RBFOX1: variants seen among roughly 807,000 people sequenced by gnomAD.
RBFOX1 encodes the protein RNA binding fox-1 homolog 1.
RBFOX1 carries 8 observed loss-of-function variants against 57.7 expected under a neutral mutation model. The ratio of observed to expected loss-of-function variants is 0.14; its 90% CI spans 0.08 to 0.25. RBFOX1 has a LOEUF of 0.25. RBFOX1 is among the 10% of genes least tolerant of loss of function. RBFOX1 has a pLI of 1.00. For synonymous variants in RBFOX1, 326 were observed against 222.4 expected (o/e 1.47, Z -4.15); for missense variants, 611 against 548.5 (o/e 1.11, Z -1.14).
chr16:6,320,127 G>C (rs1054596565), intron 2 of RBFOX1, among the ~76,000 whole-genome samples: 1 of 152,152 alleles, frequency 6.6e-6, no homozygotes, highest in African/African-American at 2.4e-5. Flanking sequence ...CAGATAAGAA[G>C]AAGGTGGAGA....
At chr16:7,164,279 T>A (rs998040014) in intron 4 of RBFOX1, among the ~76,000 whole-genome samples, 4 of 152,224 alleles carry the variant, frequency 2.6e-5, no homozygotes, top group African/African-American at 9.6e-5. Flanking sequence ...TCCAGGTTGC[T>A]GCAAATGCCA....
At chr16:5,992,458 C>T (rs1324259699) in intron 4 of RBFOX1, among the ~76,000 whole-genome samples, 1 of 152,120 alleles carries the variant, frequency 6.6e-6, no homozygotes. Context: ...GACTGAATTC[C>T]TTTTGACAGG....
intron 1 of RBFOX1, among the ~76,000 whole-genome samples, chr16:5,276,706 C>G (rs1219334326): frequency 1.3e-5 from 2 of 152,138 alleles, no homozygotes; most frequent in Non-Finnish European, 2.9e-5. Flanking sequence ...TTGCTTGAAC[C>G]CAGGATGCAA....
At chr16:7,248,139 G>T (rs1013427600) in intron 4 of RBFOX1, among the ~76,000 whole-genome samples, 2 of 152,224 alleles carry the variant, frequency 1.3e-5, no homozygotes, top group African/African-American at 4.8e-5. Flanking sequence ...TTCAGAGGGA[G>T]ATGGCTCTCA....
chr16:6,165,359 G>C (rs938060451), intron 1 of RBFOX1, among the ~76,000 whole-genome samples: 2 of 152,102 alleles, frequency 1.3e-5, no homozygotes, highest in African/African-American at 4.8e-5. Flanking sequence ...CAACCGTAAA[G>C]AAACAATCGT....
chr16:5,765,685 C>T (rs371739184), intron 3 of RBFOX1, among the ~76,000 whole-genome samples: 3 of 152,180 alleles, frequency 2.0e-5, no homozygotes, highest in East Asian at 1.9e-4. Flanking sequence ...GGTATGGACT[C>T]GCCCCAAGGG....
intron 2 of RBFOX1, among the ~76,000 whole-genome samples, chr16:6,526,968 C>T (rs895520081): frequency 1.9e-4 from 29 of 151,790 alleles, no homozygotes; most frequent in Non-Finnish European, 4.1e-4. Context: ...GATCACATGC[C>T]TGTGCATTCA....
chr16:7,411,002 G>C (rs2098419245), intron 4 of RBFOX1, among the ~76,000 whole-genome samples: 1 of 152,144 alleles, frequency 6.6e-6, no homozygotes, highest in Non-Finnish European at 1.5e-5. Flanking sequence ...TTGGAGTACA[G>C]TGGTGTGATC....
intron 1 of RBFOX1, among the ~76,000 whole-genome samples, chr16:5,252,194 A>G (rs912937341): frequency 6.6e-6 from 1 of 152,176 alleles, no homozygotes; most frequent in African/African-American, 2.4e-5. Flanking sequence ...TGACTCTCTA[A>G]GGCATATGGG....
chr16:7,704,543 CTT>C (rs1007065885), intron 14 of RBFOX1, among the ~76,000 whole-genome samples: 2 of 152,128 alleles, frequency 1.3e-5, no homozygotes, highest in African/African-American at 4.8e-5. Flanking sequence ...CCATTTCTCT[CTT>C]TACTCCTTTG....
At chr16:6,568,177 T>G (rs1426772535) in intron 2 of RBFOX1, among the ~76,000 whole-genome samples, 1 of 152,322 alleles carries the variant, frequency 6.6e-6, no homozygotes, top group African/African-American at 2.4e-5. Flanking sequence ...CAAAAGTTTC[T>G]TTTTCATCTC....
intron 2 of RBFOX1, among the ~76,000 whole-genome samples, chr16:5,485,716 C>A (rs907076786): frequency 3.9e-5 from 6 of 152,092 alleles, no homozygotes; most frequent in Admixed American, 1.3e-4. Flanking sequence ...ATTCTGTTAC[C>A]CTTGGTCTAT....
intron 3 of RBFOX1, among the ~76,000 whole-genome samples, chr16:7,001,601 C>T (rs1238408141): frequency 6.6e-6 from 1 of 152,002 alleles, no homozygotes; most frequent in Admixed American, 6.6e-5. Flanking sequence ...GGATTACAGG[C>T]ACGTGCCATC....
chr16:5,962,774 C>T lies in RBFOX1; in HGVS notation c.351+95439C>T, dbSNP rs186159166. On this transcript the variant is annotated intron_variant, in intron 4 of 19. Transcript: ENST00000641259. ...TCTGGATTAGGAATTGGGTCATTCGCTTTTCAGTAATCCAGCAGCTACGGT... is the reference window on the plus strand; with the variant it reads ...TCTGGATTAGGAATTGGGTCATTCGTTTTTCAGTAATCCAGCAGCTACGGT... Among the ~76,000 whole-genome samples the T allele has an allele frequency of 2.6e-3, 383 of 147,976 alleles. 1 individual carries two copies. The highest frequency in any genetic ancestry group is 3.4e-3 in the Non-Finnish European group (232 of 67,416).
chr16:7,478,639 T>C (rs2063227117), intron 4 of RBFOX1, among the ~76,000 whole-genome samples: 1 of 152,170 alleles, frequency 6.6e-6, no homozygotes, highest in African/African-American at 2.4e-5. Flanking sequence ...TTCAACTTAT[T>C]TCAGAAGCCA....
intron 3 of RBFOX1, among the ~76,000 whole-genome samples, chr16:6,975,611 G>T (rs766858535): frequency 6.6e-6 from 1 of 152,172 alleles, no homozygotes; most frequent in African/African-American, 2.4e-5. Context: ...AATTGATCAG[G>T]TGTGTTTTTC....
intron 4 of RBFOX1, among the ~76,000 whole-genome samples, chr16:7,337,321 G>C (rs1172501749): frequency 6.6e-6 from 1 of 152,168 alleles, no homozygotes; most frequent in Non-Finnish European, 1.5e-5. Context: ...GTCGGGAAGA[G>C]GGTGGTTTCA....
At chr16:7,673,612 G>A (rs1018811606) in intron 13 of RBFOX1, among the ~76,000 whole-genome samples, 1 of 152,156 alleles carries the variant, frequency 6.6e-6, no homozygotes, top group African/African-American at 2.4e-5. Flanking sequence ...CTACCTCAAA[G>A]GACCTCTAGA....
intron 3 of RBFOX1, among the ~76,000 whole-genome samples, chr16:5,654,115 C>T (rs1232276919): frequency 6.6e-6 from 1 of 152,200 alleles, no homozygotes; most frequent in African/African-American, 2.4e-5. Context: ...GGGTCAAATA[C>T]TAGCTCGAGC....
Sources: allele counts gnomAD v4.1 joint callset (sites outside exome capture counted in the v4.1 genomes callset), GRCh38; gene constraint gnomAD v4.1.1; transcripts MANE v1.5; gene names NCBI Gene and HGNC (gene_info 2026-07-23, HGNC 2026-07-21).